Variants in TENM4 observed in about 807,000 individuals in gnomAD.
TENM4 encodes teneurin transmembrane protein 4, also known as teneurin-4.
Under a neutral mutation model 243.3 loss-of-function variants are expected in TENM4, and 82 were observed. The ratio of observed to expected loss-of-function variants is 0.34; its 90% confidence interval spans 0.28 to 0.40. The LOEUF is 0.40. Ranked by LOEUF, TENM4 falls within the 10% of genes least tolerant of loss-of-function variation. The pLI, the probability that TENM4 is intolerant of heterozygous loss-of-function variation, is 1.00. For synonymous variants in TENM4, 1,412 were observed against 1,456.3 expected (o/e 0.97, Z 0.69); for missense variants, 3,138 against 3,673.3 (o/e 0.85, Z 3.77).
intron 4 of TENM4, among the ~76,000 whole-genome samples, chr11:79,080,189 T>C (rs1270488222): frequency 6.6e-6 from 1 of 152,192 alleles, no homozygotes; most frequent in Non-Finnish European, 1.5e-5. Context: ...TCTGGTGACC[T>C]TTTCCTTGGG....
At chr11:79,015,086 A>T (rs2136771854) in intron 6 of TENM4, among the ~76,000 whole-genome samples, 1 of 152,350 alleles carries the variant, frequency 6.6e-6, no homozygotes, top group East Asian at 1.9e-4. Context: ...CCATTGGGAA[A>T]AAAAGTCTCT....
intron 14 of TENM4, among the ~76,000 whole-genome samples, chr11:78,810,585 G>A (rs1857477054): frequency 6.6e-6 from 1 of 152,172 alleles, no homozygotes; most frequent in African/African-American, 2.4e-5. Context: ...TAAAGGGGTT[G>A]GCGTTCCTTC....
intron 2 of TENM4, among the ~76,000 whole-genome samples, chr11:79,291,994 T>C (rs1856364732): frequency 6.6e-6 from 1 of 152,136 alleles, no homozygotes; most frequent in Non-Finnish European, 1.5e-5. Context: ...GCCCAGGTCG[T>C]CCAGAGCCAC....
At chr11:78,764,913 G>A (rs1386940173) in intron 18 of TENM4, among the ~76,000 whole-genome samples, 2 of 152,102 alleles carry the variant, frequency 1.3e-5, no homozygotes, top group African/African-American at 4.8e-5. Flanking sequence ...TGGAAGGATG[G>A]GCAAGGATAA....
chr11:78,989,965 AAG>A (rs1858002679), intron 6 of TENM4, among the ~76,000 whole-genome samples: 1 of 151,964 alleles, frequency 6.6e-6, no homozygotes, highest in Admixed American at 6.6e-5. Context: ...TCAGGAGGCT[AAG>A]GTGGGAGAGT....
At chr11:79,328,799 T>C (rs1017305759) in intron 1 of TENM4, among the ~76,000 whole-genome samples, 1 of 152,110 alleles carries the variant, frequency 6.6e-6, no homozygotes, top group Non-Finnish European at 1.5e-5. Flanking sequence ...TATATATATG[T>C]AAGCACAGGT....
chr11:79,354,905 G>A (rs1381773281), intron 1 of TENM4, among the ~76,000 whole-genome samples: 2 of 152,208 alleles, frequency 1.3e-5, no homozygotes, highest in Non-Finnish European at 2.9e-5. Flanking sequence ...GTGTTGGTAG[G>A]TTATGAAGAA....
intron 30 of TENM4, among the ~76,000 whole-genome samples, chr11:78,673,703 T>C (rs1858393598): frequency 6.6e-6 from 1 of 152,214 alleles, no homozygotes; most frequent in South Asian, 2.1e-4. Flanking sequence ...TAGAAGGTAC[T>C]GAATAGATGG....
chr11:79,394,308 G>A (rs1361322565), intron 1 of TENM4, among the ~76,000 whole-genome samples: 1 of 152,154 alleles, frequency 6.6e-6, no homozygotes, highest in African/African-American at 2.4e-5. Flanking sequence ...AGGGTGGCAT[G>A]CCTACCCCCG....
chr11:79,016,098 T>A (rs2705227), intron 6 of TENM4, among the ~76,000 whole-genome samples: 52,905 of 151,748 alleles, frequency 0.35, 10,882 homozygotes, highest in Non-Finnish European at 0.46. Context: ...GACAAGGGAG[T>A]ATTGTAGGCA....
At chr11:79,138,545 TTATATTTATATAAATACATAAAACA>T (rs1403666517) in intron 4 of TENM4, among the ~76,000 whole-genome samples, 15,731 of 60,914 alleles carry the variant, frequency 0.26, 3,585 homozygotes, top group Non-Finnish European at 0.32. Context: ...TTAAAATATA[TTATATTTATATAAATACATAAAACA>T]TATATTTATA....
chr11:79,264,633 A>G lies in TENM4; in HGVS notation c.-265+32855T>C, dbSNP rs527553581. On this transcript the variant is annotated intron_variant, in intron 2 of 33. Coordinates refer to ENST00000278550, the MANE Select transcript of TENM4 (RefSeq NM_001098816.3). ...GGAGGCTGGTGTACTACGTGACCCC[A>G]GCCCAAACAAACAAAATCTCTGGGC... Among the ~76,000 whole-genome samples, 32 of 152,302 alleles carry G rather than the reference A, an allele frequency of 2.1e-4. No homozygotes were observed. The South Asian group carries it at 3.5e-3, about 17-fold the overall frequency.
intron 19 of TENM4, among the ~76,000 whole-genome samples, chr11:78,752,527 T>A (rs1045869328): frequency 6.6e-6 from 1 of 152,204 alleles, no homozygotes; most frequent in African/African-American, 2.4e-5. Context: ...TGCTGTTGGG[T>A]TCTGGGTGAC....
At chr11:78,661,624 G>A in intron 32 of TENM4, 33 bp from the exon 33 acceptor site, 4 of 1,607,268 alleles carry the variant, frequency 2.5e-6, no homozygotes, top group African/African-American at 1.3e-5. Context: ...CATCTCCATG[G>A]AGTGAGTGGA....
At chr11:78,870,458 A>C (rs944771233) in intron 9 of TENM4, among the ~76,000 whole-genome samples, 2 of 152,214 alleles carry the variant, frequency 1.3e-5, no homozygotes, top group East Asian at 3.8e-4. Context: ...ATCTTTTAAA[A>C]GCATGATTGC....
intron 3 of TENM4, among the ~76,000 whole-genome samples, chr11:79,208,602 A>T (rs1261663795): frequency 6.6e-6 from 1 of 152,090 alleles, no homozygotes; most frequent in Non-Finnish European, 1.5e-5. Flanking sequence ...AGACTCCCTT[A>T]CTTCCTAGCT....
chr11:78,998,112 TA>T (rs1310267662), intron 6 of TENM4, among the ~76,000 whole-genome samples: 1 of 152,236 alleles, frequency 6.6e-6, no homozygotes, highest in Non-Finnish European at 1.5e-5. Flanking sequence ...TTCAAGCCAC[TA>T]GTCTATGGTA....
chr11:78,839,401 A>AT (rs1037530848), intron 12 of TENM4, among the ~76,000 whole-genome samples: 22 of 151,802 alleles, frequency 1.4e-4, no homozygotes, highest in Non-Finnish European at 2.9e-4. Context: ...ATTTTTATTG[A>AT]TTTTTTTTGA....
chr11:78,952,468 A>T (rs1239224964), intron 6 of TENM4, among the ~76,000 whole-genome samples: 1 of 152,214 alleles, frequency 6.6e-6, no homozygotes, highest in Admixed American at 6.5e-5. Flanking sequence ...TGAGGGATGG[A>T]TTAAAGGGAG....
Sources: allele counts gnomAD v4.1 joint callset (sites outside exome capture counted in the v4.1 genomes callset), GRCh38; gene constraint gnomAD v4.1.1; transcripts MANE v1.5; gene names NCBI Gene and HGNC (gene_info 2026-07-23, HGNC 2026-07-21).